Variants in RPS6KC1 observed in about 807,000 individuals in gnomAD.
RPS6KC1 encodes the protein ribosomal protein S6 kinase C1.
In RPS6KC1, 54 loss-of-function variants were observed where a neutral mutation model predicts 103.8. The observed-to-expected ratio is 0.52, with a 90% CI of 0.42 to 0.65. RPS6KC1 has a LOEUF of 0.65. Among genes scored for constraint, RPS6KC1 ranks in the 30% least tolerant of loss-of-function variants. The pLI is 0.00. For synonymous variants in RPS6KC1, 439 were observed against 438.7 expected (o/e 1.00, Z -0.01); for missense variants, 1,151 against 1,253.8 (o/e 0.92, Z 1.24).
chr1:213,405,409 C>T, the RPS6KC1 span, among the ~76,000 whole-genome samples: 9 of 152,136 alleles, frequency 5.9e-5, no homozygotes, highest in Non-Finnish European at 1.3e-4. Context: ...TGGCAGGGAT[C>T]CTGAAAGGTT....
the RPS6KC1 span, among the ~76,000 whole-genome samples, chr1:213,639,846 G>T: frequency 4.3e-4 from 65 of 151,198 alleles, no homozygotes; most frequent in Non-Finnish European, 8.4e-4. Context: ...GAGGAATATT[G>T]GTCTATAGTT....
chr1:213,839,756 C>A, the RPS6KC1 span: 10,793 of 152,060 alleles, frequency 0.071, 587 homozygotes, highest in South Asian at 0.19. Flanking sequence ...TGACGTTGGG[C>A]TAGTTGCTAA....
the RPS6KC1 span, among the ~76,000 whole-genome samples, chr1:213,661,151 C>T: frequency 1.3e-5 from 2 of 152,068 alleles, no homozygotes; most frequent in Non-Finnish European, 2.9e-5. Flanking sequence ...TTTTTTCTAC[C>T]CTAGCAAATG....
At chr1:213,813,260 C>G in the RPS6KC1 span, among the ~76,000 whole-genome samples, 1 of 151,918 alleles carries the variant, frequency 6.6e-6, no homozygotes, top group South Asian at 2.1e-4. Context: ...CCCGCTGTCA[C>G]CCAGGCTGGA....
the RPS6KC1 span, among the ~76,000 whole-genome samples, chr1:213,627,470 G>A: frequency 2.0e-5 from 3 of 152,010 alleles, no homozygotes; most frequent in Admixed American, 2.0e-4. Context: ...TTGAATAGGA[G>A]TGGTGAGAGA....
the RPS6KC1 span, among the ~76,000 whole-genome samples, chr1:213,602,724 T>C: frequency 1.3e-5 from 2 of 152,198 alleles, no homozygotes; most frequent in Non-Finnish European, 2.9e-5. Context: ...AGCAAAGATA[T>C]ACCCATTTCT....
At chr1:213,577,100 A>G in the RPS6KC1 span, among the ~76,000 whole-genome samples, 22,043 of 151,872 alleles carry the variant, frequency 0.15, 1,706 homozygotes, top group Non-Finnish European at 0.17. Context: ...TAATCCCTGC[A>G]TGTCGTGGGA....
chr1:213,814,717 A>G, the RPS6KC1 span, among the ~76,000 whole-genome samples: 1 of 152,186 alleles, frequency 6.6e-6, no homozygotes, highest in East Asian at 1.9e-4. Flanking sequence ...TGTACCTTAC[A>G]ATGTAGCCTA....
At chr1:213,357,466 A>G in the RPS6KC1 span, among the ~76,000 whole-genome samples, 3 of 152,232 alleles carry the variant, frequency 2.0e-5, no homozygotes, top group Admixed American at 6.5e-5. Flanking sequence ...CAGAATCACG[A>G]AAGATTAGAA....
At chr1:213,734,901 TTTGTTGTTGTTG>T in the RPS6KC1 span, among the ~76,000 whole-genome samples, 5 of 150,918 alleles carry the variant, frequency 3.3e-5, no homozygotes, top group Admixed American at 6.6e-5. Context: ...GTCAAGTGAG[TTTGTTGTTGTTG>T]TTGTTGTTGT....
chr1:213,206,780 G>C (rs1558536773), intron 8 of RPS6KC1, among the ~76,000 whole-genome samples: 1 of 151,860 alleles, frequency 6.6e-6, no homozygotes, highest in Non-Finnish European at 1.5e-5. Context: ...AATATTTTTG[G>C]ATCTTCCTTG....
chr1:213,324,428 T>C, the RPS6KC1 span, among the ~76,000 whole-genome samples: 1 of 152,156 alleles, frequency 6.6e-6, no homozygotes, highest in Admixed American at 6.5e-5. Flanking sequence ...AGACATGATC[T>C]CAAGATGGAA....
At chr1:213,236,986 C>G (rs74139161) in intron 10 of RPS6KC1, among the ~76,000 whole-genome samples, 2,214 of 152,128 alleles carry the variant, frequency 0.015, 49 homozygotes, top group African/African-American at 0.05. Context: ...CAGACCTATT[C>G]CCCAGAAATA....
chr1:213,462,422 A>G, the RPS6KC1 span, among the ~76,000 whole-genome samples: 7 of 152,246 alleles, frequency 4.6e-5, no homozygotes, highest in Non-Finnish European at 1.0e-4. Context: ...TACCCAAAGG[A>G]TTATAAATCA....
the RPS6KC1 span, among the ~76,000 whole-genome samples, chr1:213,595,042 C>A: frequency 6.6e-6 from 1 of 152,148 alleles, no homozygotes; most frequent in Non-Finnish European, 1.5e-5. Flanking sequence ...AACAATACTT[C>A]TTTATTTCCC....
chr1:213,467,454 G>A, the RPS6KC1 span, among the ~76,000 whole-genome samples: 10 of 152,302 alleles, frequency 6.6e-5, no homozygotes, highest in East Asian at 1.9e-4. Context: ...ATGTATCAGC[G>A]AACTGTGTTC....
the RPS6KC1 span, among the ~76,000 whole-genome samples, chr1:213,810,807 A>G: frequency 6.6e-6 from 1 of 152,204 alleles, no homozygotes; most frequent in African/African-American, 2.4e-5. Flanking sequence ...GTTCTATGAT[A>G]TAAATGTTAC....
chr1:213,615,392 C>A, the RPS6KC1 span, among the ~76,000 whole-genome samples: 4 of 152,246 alleles, frequency 2.6e-5, no homozygotes, highest in Non-Finnish European at 5.9e-5. Flanking sequence ...AGACACCAGC[C>A]TTCAGTGCCT....
chr1:213,602,150 CTT>C, the RPS6KC1 span, among the ~76,000 whole-genome samples: 177 of 79,668 alleles, frequency 2.2e-3, 1 homozygote, highest in Middle Eastern at 5.6e-3. Context: ...TTCTTTCTTT[CTT>C]TCTTTCTTTC....
Sources: gnomAD v4.1 joint callset for allele counts (sites outside exome capture counted in the v4.1 genomes callset) on GRCh38, gnomAD v4.1.1 for gene constraint, MANE v1.5 for transcripts, NCBI Gene and HGNC (gene_info 2026-07-23, HGNC 2026-07-21) for gene names.